Variants in AADAT observed in about 807,000 individuals in gnomAD.
AADAT encodes kynurenine/alpha-aminoadipate aminotransferase, mitochondrial.
A neutral mutation model predicts 56.2 loss-of-function variants in AADAT; 25 were observed. The observed-to-expected ratio is 0.44, with a 90% CI of 0.32 to 0.62. The LOEUF is 0.62. Among genes scored for constraint, AADAT ranks in the 20% least tolerant of loss-of-function variants. AADAT has a pLI of 0.04. For missense variants in AADAT, 387 were observed against 510.5 expected (o/e 0.76, Z 2.33); for synonymous variants, 173 against 164.7 (o/e 1.05, Z -0.39).
chr4:170,084,493 G>C (rs1305168713), intron 3 of AADAT, among the ~76,000 whole-genome samples: 1 of 152,098 alleles, frequency 6.6e-6, no homozygotes, highest in Non-Finnish European at 1.5e-5. Flanking sequence ...ACAATCACTA[G>C]AGCCAGGCAA....
chr4:170,072,119 A>G (rs1250978262), intron 5 of AADAT, among the ~76,000 whole-genome samples: 1 of 152,170 alleles, frequency 6.6e-6, no homozygotes, highest in East Asian at 1.9e-4. Context: ...TGGAATAGAC[A>G]GCTACGAAAC....
At chr4:170,072,372 G>T (rs1003441972) in intron 5 of AADAT, among the ~76,000 whole-genome samples, 11 of 152,014 alleles carry the variant, frequency 7.2e-5, no homozygotes, top group Admixed American at 3.9e-4. Context: ...CTGGGCTCAA[G>T]CATCCTCCCA....
intron 4 of AADAT, among the ~76,000 whole-genome samples, chr4:170,076,239 T>G (rs1732026940): frequency 6.6e-6 from 1 of 152,150 alleles, no homozygotes; most frequent in Admixed American, 6.5e-5. Context: ...TCTTCACATA[T>G]TCACTATTTT....
At chr4:170,062,055 T>G in intron 11 of AADAT, 62 bp from the exon 12 acceptor site, 1 of 1,138,874 alleles carries the variant, frequency 8.8e-7, no homozygotes, top group African/African-American at 1.5e-5. Flanking sequence ...GATAATATAG[T>G]TAAGCCTAAT....
rs778596028 is a variant in AADAT, at chr4:170,078,551, A to G, written c.402T>C (p.Asn134=). The change falls in exon 4 of 13, where the codon AAT becomes AAC. Residue 134 remains asparagine (N), a synonymous_variant. Transcript: ENST00000337664. ...VFEMIINPGD[N]VLLDEPAYSG... ...AATAAGCAGGTTCATCTAGGAGGAC[A>G]TTATCTCCAGGATTAATGATCATTT... 1.1e-5 allele frequency: 17 copies of G among 1,608,586 alleles called. 1 individual carries two copies. The highest frequency in any genetic ancestry group is 1.0e-4 in the South Asian group (9 of 90,306).
At chr4:170,078,465 T>G in intron 4 of AADAT, 44 bp downstream of exon 4, 1 of 1,174,616 alleles carries the variant, frequency 8.5e-7, no homozygotes, top group Non-Finnish European at 1.2e-6. Context: ...GTTTTCTTCT[T>G]ATTTACTACA....
intron 3 of AADAT, among the ~76,000 whole-genome samples, chr4:170,084,857 G>C (rs1162473834): frequency 1.3e-5 from 2 of 152,228 alleles, no homozygotes; most frequent in Non-Finnish European, 1.5e-5. Flanking sequence ...CATATCAACA[G>C]ATCAAATGAA....
intron 5 of AADAT, among the ~76,000 whole-genome samples, chr4:170,072,175 G>A (rs1025734496): frequency 6.6e-6 from 1 of 152,026 alleles, no homozygotes; most frequent in African/African-American, 2.4e-5. Flanking sequence ...AGAGAACTTA[G>A]GACAGAGCCT....
In AADAT at chr4:170,088,510, G is replaced by C; in HGVS notation, c.122C>G (p.Pro41Arg). 1.2e-6 allele frequency: 2 copies of C among 1,613,648 alleles called. No individual in the cohort carries two copies. The highest frequency in any genetic ancestry group is 1.7e-6 in the Non-Finnish European group (2 of 1,179,636). Reference protein sequence around the residue: ...KSMISLAGGLPNPNMFPFKTA... With the variant: ...KSMISLAGGLRNPNMFPFKTA... ...CTTAAAAGGAAACATGTTTGGATTT[G>C]GTAAGCCACCAGCCAAGGAGATCAT... is the stretch of plus-strand genomic sequence containing the variant. Residue 41 changes from proline to arginine, a missense_variant, in exon 2 of 13, where the codon CCA (proline) becomes CGA (arginine). Physicochemically the swap from Pro to Arg is moderately radical, Grantham distance 103 (BLOSUM62 -2). Coordinates refer to ENST00000337664, the MANE Select transcript of AADAT (RefSeq NM_016228.4).
upstream of AADAT, chr4:170,090,141 G>C (rs1732764979): frequency 6.6e-6 from 1 of 152,242 alleles, no homozygotes; most frequent in African/African-American, 2.4e-5. Flanking sequence ...AATGACTCTT[G>C]ACCTCGCCGC....
At chr4:170,067,865 C>T (rs913268614) in intron 8 of AADAT, among the ~76,000 whole-genome samples, 1 of 152,070 alleles carries the variant, frequency 6.6e-6, no homozygotes, top group Non-Finnish European at 1.5e-5. Flanking sequence ...AGGCTGGGTG[C>T]GATGGCTCAT....
At chr4:170,063,229 G>C (rs1731282055) in intron 11 of AADAT, among the ~76,000 whole-genome samples, 1 of 152,244 alleles carries the variant, frequency 6.6e-6, no homozygotes, top group Non-Finnish European at 1.5e-5. Flanking sequence ...AGCTGAAAGA[G>C]AAGGGAGTGG....
chr4:170,089,691 G>A lies in AADAT; in HGVS notation c.-1C>T, dbSNP rs756562083. ...CCGTGATGAACCGTGCGTAATTCATGTCTTCTGACAGCCAAGCATCAAGCT... is the reference window on the plus strand; with the variant it reads ...CCGTGATGAACCGTGCGTAATTCATATCTTCTGACAGCCAAGCATCAAGCT... On this transcript the variant is annotated 5_prime_UTR_variant, in exon 1 of 13. Coordinates refer to ENST00000337664, the MANE Select transcript of AADAT (RefSeq NM_016228.4). The A allele has an allele frequency of 3.1e-6, 5 of 1,614,142 alleles. No homozygotes were observed. The highest frequency in any genetic ancestry group is 1.1e-5 in the South Asian group (1 of 91,086).
At chr4:170,092,687 G>C (rs1056210928), upstream of AADAT, among the ~76,000 whole-genome samples, 1 of 152,174 alleles carries the variant, frequency 6.6e-6, no homozygotes, top group Non-Finnish European at 1.5e-5. Flanking sequence ...GGTGTCTTTG[G>C]ACAAGTTAAT....
At chr4:170,074,190 T>TTTA (rs1561017732) in intron 4 of AADAT, among the ~76,000 whole-genome samples, 1 of 152,152 alleles carries the variant, frequency 6.6e-6, no homozygotes, top group South Asian at 2.1e-4. Context: ...TGATTTTTCC[T>TTTA]TTATTATTAT....
chr4:170,066,492 A>T lies in AADAT; in HGVS notation c.963-14T>A. On this transcript the variant is annotated splice_polypyrimidine_tract_variant and intron_variant, in intron 9 of 12. Transcript: ENST00000337664. ...AAATCAATAACCCTAGAAAAAGAAAACAATGAAATGGATGTGCTCAGTACA... is the reference window on the plus strand; with the variant it reads ...AAATCAATAACCCTAGAAAAAGAAATCAATGAAATGGATGTGCTCAGTACA... The T allele has an allele frequency of 6.3e-7, 1 of 1,596,224 alleles. No homozygotes were observed. Among genetic ancestry groups the T allele is most frequent in the Non-Finnish European group, 8.6e-7 (1 of 1,164,368 alleles).
At position 170,078,530 on chromosome 4, in the gene AADAT, A is replaced by T; in HGVS notation, c.423T>A (p.Ala141=). 6.2e-7 allele frequency: 1 copy of T among 1,607,508 alleles called. No homozygotes were observed. The highest frequency in any genetic ancestry group is 8.5e-7 in the Non-Finnish European group (1 of 1,176,362). The change falls in exon 4 of 13, where the codon GCT becomes GCA. Residue 141 remains alanine, a synonymous_variant. Coordinates refer to ENST00000337664, the MANE Select transcript of AADAT (RefSeq NM_016228.4). Reference sequence around the variant, plus strand: ...TCACACTTTGAAGAGTTCCTGAATAAGCAGGTTCATCTAGGAGGACATTAT... The same window carrying T: ...TCACACTTTGAAGAGTTCCTGAATATGCAGGTTCATCTAGGAGGACATTAT... ...PGDNVLLDEP[A]YSGTLQSLHP...
At chr4:170,076,663 T>C (rs906593456) in intron 4 of AADAT, among the ~76,000 whole-genome samples, 4 of 152,206 alleles carry the variant, frequency 2.6e-5, no homozygotes, top group African/African-American at 9.6e-5. Context: ...TCCCACTGTA[T>C]AGACTCTTTT....
intron 5 of AADAT, among the ~76,000 whole-genome samples, chr4:170,070,938 A>G (rs1436149297): frequency 2.0e-5 from 3 of 152,202 alleles, no homozygotes; most frequent in African/African-American, 7.2e-5. Flanking sequence ...TTTGAGACAG[A>G]GTCTCGCTCT....
Sources: allele counts gnomAD v4.1 joint callset (sites outside exome capture counted in the v4.1 genomes callset), GRCh38; gene constraint gnomAD v4.1.1; transcripts MANE v1.5; gene names NCBI Gene and HGNC (gene_info 2026-07-23, HGNC 2026-07-21).